Variants in BACH2 observed in about 807,000 individuals in gnomAD.
BACH2 encodes the protein BACH transcriptional regulator 2.
A neutral mutation model predicts 61.8 loss-of-function variants in BACH2; 5 were observed. The ratio of observed to expected loss-of-function variants is 0.08; its 90% CI spans 0.04 to 0.17. BACH2 has a LOEUF of 0.17. Ranked by LOEUF, BACH2 falls within the 10% of genes least tolerant of loss-of-function variation. The pLI, the probability that BACH2 is intolerant of heterozygous loss-of-function variation, is 1.00. For synonymous variants in BACH2, 446 were observed against 440.1 expected (o/e 1.01, Z -0.17); for missense variants, 824 against 1,091.1 (o/e 0.76, Z 3.45).
chr6:90,123,753 G>A (rs987195132), intron 4 of BACH2, among the ~76,000 whole-genome samples: 8 of 108,720 alleles, frequency 7.4e-5, no homozygotes, highest in African/African-American at 2.7e-4. Context: ...CTGGGCGACA[G>A]AGCGAGACTC....
chr6:90,228,189 A>C (rs1769977603), intron 3 of BACH2, among the ~76,000 whole-genome samples: 1 of 152,240 alleles, frequency 6.6e-6, no homozygotes, highest in Admixed American at 6.5e-5. Flanking sequence ...ATCTGACTTT[A>C]CTAAAATCTC....
chr6:89,978,899 T>C (rs1249944389), intron 6 of BACH2, among the ~76,000 whole-genome samples: 1 of 152,184 alleles, frequency 6.6e-6, no homozygotes, highest in Non-Finnish European at 1.5e-5. Context: ...CAAGTCCTCA[T>C]GAAAGCTCGT....
chr6:90,111,097 C>G (rs1783148272), intron 4 of BACH2, among the ~76,000 whole-genome samples: 1 of 152,160 alleles, frequency 6.6e-6, no homozygotes, highest in South Asian at 2.1e-4. Flanking sequence ...ATTTCACTAG[C>G]AGTGCACGTC....
At chr6:90,003,603 T>A (rs1301758684) in intron 6 of BACH2, among the ~76,000 whole-genome samples, 1 of 152,138 alleles carries the variant, frequency 6.6e-6, no homozygotes, top group African/African-American at 2.4e-5. Flanking sequence ...TTGACAAATA[T>A]TTGTTGAATG....
intron 5 of BACH2, among the ~76,000 whole-genome samples, chr6:90,076,912 C>T (rs1279280762): frequency 3.9e-5 from 6 of 152,154 alleles, no homozygotes; most frequent in African/African-American, 1.4e-4. Flanking sequence ...GTTGAAAATT[C>T]CCGTTTTCCG....
At chr6:90,097,681 A>T (rs1782436296) in intron 4 of BACH2, among the ~76,000 whole-genome samples, 2 of 152,214 alleles carry the variant, frequency 1.3e-5, no homozygotes, top group Non-Finnish European at 2.9e-5. Flanking sequence ...TCCAAAACGT[A>T]CAATTTACCA....
At chr6:90,064,884 T>C (rs1317643962) in intron 5 of BACH2, among the ~76,000 whole-genome samples, 2 of 152,096 alleles carry the variant, frequency 1.3e-5, no homozygotes, top group African/African-American at 4.8e-5. Context: ...TATACTCCCT[T>C]CCTCCAAAAA....
At chr6:90,236,465 G>C (rs904688284) in intron 3 of BACH2, among the ~76,000 whole-genome samples, 2 of 152,212 alleles carry the variant, frequency 1.3e-5, no homozygotes, top group Non-Finnish European at 2.9e-5. Context: ...AAGATACATA[G>C]GTCTGAGACA....
chr6:90,273,196 T>C (rs926003546), intron 1 of BACH2, among the ~76,000 whole-genome samples: 14 of 149,308 alleles, frequency 9.4e-5, no homozygotes, highest in Admixed American at 7.4e-4. Context: ...CCTGTTTCTA[T>C]GGGGAAAAAA....
intron 4 of BACH2, chr6:90,116,752 C>T: frequency 4.5e-6 from 2 of 443,950 alleles, no homozygotes; most frequent in Non-Finnish European, 4.3e-6. Flanking sequence ...CCACATAAGT[C>T]TTCTTGGTTA....
At chr6:90,173,403 C>A (rs1032897221) in intron 4 of BACH2, among the ~76,000 whole-genome samples, 1 of 151,920 alleles carries the variant, frequency 6.6e-6, no homozygotes, top group Admixed American at 6.6e-5. Flanking sequence ...TGGAAATGAC[C>A]CAAATATCCA....
rs534824708 is a variant in BACH2, at chr6:89,997,728, A to G, written c.243+10874T>C. ...AAACAAGAAAAACAGATAAGCAGGG[A>G]GGCATCAGAAGGGTTTCTCTGGATA... On this transcript the variant is annotated intron_variant, in intron 6 of 8. Transcript: ENST00000257749. Among the ~76,000 whole-genome samples the G allele has an allele frequency of 2.0e-5, 3 of 152,312 alleles. No individual in the cohort carries two copies. In the East Asian group the frequency reaches 5.8e-4, roughly 29 times the overall value.
intron 6 of BACH2, among the ~76,000 whole-genome samples, chr6:89,966,430 C>T (rs138426488): frequency 6.9e-4 from 105 of 152,310 alleles, no homozygotes; most frequent in African/African-American, 2.4e-3. Flanking sequence ...CAGCCATTAA[C>T]ACAAAACCCC....
At chr6:90,166,358 C>A (rs1313547932) in intron 4 of BACH2, among the ~76,000 whole-genome samples, 1 of 152,084 alleles carries the variant, frequency 6.6e-6, no homozygotes, top group Non-Finnish European at 1.5e-5. Flanking sequence ...CAATGAGATA[C>A]CATCTCACAC....
intron 6 of BACH2, among the ~76,000 whole-genome samples, chr6:89,979,104 T>C (rs1364644968): frequency 6.6e-6 from 1 of 152,170 alleles, no homozygotes; most frequent in Non-Finnish European, 1.5e-5. Flanking sequence ...AAAGAGATTT[T>C]CCCATAAAAA....
At chr6:90,076,864 T>C (rs1470582779) in intron 5 of BACH2, among the ~76,000 whole-genome samples, 3 of 152,282 alleles carry the variant, frequency 2.0e-5, no homozygotes, top group Non-Finnish European at 4.4e-5. Context: ...TAAAATACTC[T>C]CATTAGATTT....
intron 1 of BACH2, among the ~76,000 whole-genome samples, chr6:90,295,550 A>T (rs2127896329): frequency 6.6e-6 from 1 of 152,236 alleles, no homozygotes; most frequent in South Asian, 2.1e-4. Flanking sequence ...AGCGAAGCAC[A>T]GCGGGGCCAC....
At chr6:90,180,177 T>C (rs1037497475) in intron 4 of BACH2, among the ~76,000 whole-genome samples, 2 of 152,030 alleles carry the variant, frequency 1.3e-5, no homozygotes, top group African/African-American at 4.8e-5. Context: ...AAATAAAAAT[T>C]TAACTTTTTA....
intron 5 of BACH2, among the ~76,000 whole-genome samples, chr6:90,033,916 T>A (rs1437984737): frequency 6.6e-6 from 1 of 152,148 alleles, no homozygotes; most frequent in Non-Finnish European, 1.5e-5. Flanking sequence ...ACACTAGGAA[T>A]TCTTAGTTAG....
Sources: allele counts gnomAD v4.1 joint callset (sites outside exome capture counted in the v4.1 genomes callset), GRCh38; gene constraint gnomAD v4.1.1; transcripts MANE v1.5; gene names NCBI Gene and HGNC (gene_info 2026-07-23, HGNC 2026-07-21).